Variants in SRRM4 observed in about 807,000 individuals in gnomAD.
SRRM4 encodes serine/arginine repetitive matrix 4.
Under a neutral mutation model 68.9 loss-of-function variants are expected in SRRM4, and 33 were observed. The observed-to-expected ratio is 0.48, with a 90% CI of 0.36 to 0.64. The LOEUF is 0.64. Ranked by LOEUF, SRRM4 falls within the 30% of genes least tolerant of loss-of-function variation. The pLI is 0.00. For synonymous variants in SRRM4, 318 were observed against 318.8 expected (o/e 1.00, Z 0.03); for missense variants, 817 against 827.1 (o/e 0.99, Z 0.15).
chr12:119,103,011 G>A (rs1464904574), intron 2 of SRRM4, among the ~76,000 whole-genome samples: 2 of 152,056 alleles, frequency 1.3e-5, no homozygotes, highest in Non-Finnish European at 1.5e-5. Context: ...GCAGAGTGAA[G>A]TTTTGAACTC....
chr12:118,985,737 G>A (rs1016203), intron 1 of SRRM4, among the ~76,000 whole-genome samples: 62,360 of 152,104 alleles, frequency 0.41, 12,978 homozygotes, highest in Non-Finnish European at 0.44. Flanking sequence ...TTAGCCTAGA[G>A]AAGTTTGTAC....
intron 1 of SRRM4, among the ~76,000 whole-genome samples, chr12:119,068,415 AC>A (rs1207990095): frequency 6.6e-6 from 1 of 152,262 alleles, no homozygotes; most frequent in East Asian, 1.9e-4. Flanking sequence ...CTTCGTGCAG[AC>A]TGCTTCTGCC....
intron 1 of SRRM4, among the ~76,000 whole-genome samples, chr12:119,037,552 A>G (rs1335812226): frequency 6.6e-6 from 1 of 152,238 alleles, no homozygotes; most frequent in African/African-American, 2.4e-5. Context: ...TTCATTGCCA[A>G]GGGCCAGGTT....
chr12:119,022,761 A>G (rs1953524195), intron 1 of SRRM4, among the ~76,000 whole-genome samples: 1 of 152,212 alleles, frequency 6.6e-6, no homozygotes, highest in Non-Finnish European at 1.5e-5. Flanking sequence ...AAGTTTTTTC[A>G]GCTGCAGTTT....
At position 118,982,258 on chromosome 12, in the gene SRRM4, G is replaced by A. The variant is rs188926593; in HGVS notation, c.131+245G>A. ...GACCCCCGTAGCTCCTATTCAAGAG[G>A]TTTTGCTACCTGAGGGTGGGCGGTG... is the stretch of plus-strand genomic sequence containing the variant. On this transcript the variant is annotated intron_variant, in intron 1 of 12. Coordinates refer to ENST00000267260, the MANE Select transcript of SRRM4 (RefSeq NM_194286.4). 2.0e-4 allele frequency among the ~76,000 whole-genome samples: 30 copies of A among 152,274 alleles called. No individual in the cohort carries two copies. The East Asian group carries it at 5.6e-3, about 28-fold the overall frequency.
intron 5 of SRRM4, among the ~76,000 whole-genome samples, chr12:119,120,934 A>C (rs1954215551): frequency 6.6e-6 from 1 of 152,212 alleles, no homozygotes. Context: ...CTTCTTAAAT[A>C]ACAATAACCA....
chr12:119,022,312 T>C (rs1953521248), intron 1 of SRRM4, among the ~76,000 whole-genome samples: 5 of 152,190 alleles, frequency 3.3e-5, no homozygotes, highest in Admixed American at 3.3e-4. Flanking sequence ...CAAAAACCTT[T>C]TGTCAAGACC....
At position 119,115,494 on chromosome 12, in the gene SRRM4, G is replaced by A. The variant is rs145068101; in HGVS notation, c.365+1130G>A. Among the ~76,000 whole-genome samples the A allele has an allele frequency of 2.2e-3, 330 of 152,276 alleles. 2 individuals carry two copies. The highest frequency in any genetic ancestry group is 7.7e-3 in the African/African-American group (319 of 41,554). ...TTATAGAAACCTGTAGGGGGCAGCA[G>A]AGAGCAGCATCTGATGACTTGGGCT... On this transcript the variant is annotated intron_variant, in intron 3 of 12. Transcript: ENST00000267260.
At chr12:119,039,352 G>A (rs1322809079) in intron 1 of SRRM4, among the ~76,000 whole-genome samples, 1 of 152,186 alleles carries the variant, frequency 6.6e-6, no homozygotes, top group Non-Finnish European at 1.5e-5. Flanking sequence ...CCTGGCTAGG[G>A]TGGTCCCTGA....
chr12:119,010,425 G>A (rs1017769986), intron 1 of SRRM4, among the ~76,000 whole-genome samples: 4 of 152,214 alleles, frequency 2.6e-5, no homozygotes, highest in African/African-American at 9.6e-5. Flanking sequence ...AAAAGTGTCA[G>A]CCCTTACATG....
intron 12 of SRRM4, among the ~76,000 whole-genome samples, chr12:119,155,411 C>T (rs1343512738): frequency 6.6e-6 from 1 of 152,222 alleles, no homozygotes; most frequent in Non-Finnish European, 1.5e-5. Flanking sequence ...TCCCAGATAG[C>T]AAGGCTGGGG....
chr12:119,138,175 A>G (rs1954342861), intron 8 of SRRM4, among the ~76,000 whole-genome samples: 2 of 152,130 alleles, frequency 1.3e-5, no homozygotes. Context: ...GTGTTGCCAG[A>G]TCTTATTTTT....
chr12:119,095,032 A>G (rs1954034818), intron 1 of SRRM4, among the ~76,000 whole-genome samples: 1 of 152,228 alleles, frequency 6.6e-6, no homozygotes, highest in African/African-American at 2.4e-5. Context: ...AGTGCTGTGC[A>G]ATCCCCAGTT....
chr12:119,013,340 A>G (rs908913741), intron 1 of SRRM4, among the ~76,000 whole-genome samples: 1 of 152,230 alleles, frequency 6.6e-6, no homozygotes, highest in Non-Finnish European at 1.5e-5. Flanking sequence ...AACCAGGGTT[A>G]AGATTCAAAT....
intron 1 of SRRM4, among the ~76,000 whole-genome samples, chr12:119,076,216 G>A (rs540840926): frequency 2.8e-4 from 43 of 152,242 alleles, no homozygotes; most frequent in African/African-American, 9.4e-4. Context: ...GCCATTTATT[G>A]AGGGTTTACT....
intron 1 of SRRM4, among the ~76,000 whole-genome samples, chr12:118,983,812 G>A (rs1953264988): frequency 6.6e-6 from 1 of 152,132 alleles, no homozygotes; most frequent in Admixed American, 6.5e-5. Context: ...GCAATCACAT[G>A]AATGGCCCAC....
chr12:118,996,337 A>T (rs909491618), intron 1 of SRRM4, among the ~76,000 whole-genome samples: 1 of 152,216 alleles, frequency 6.6e-6, no homozygotes, highest in African/African-American at 2.4e-5. Context: ...ATTCATTTAT[A>T]TCAGAAACAA....
chr12:118,992,058 T>G (rs2135989664), intron 1 of SRRM4: 1 of 152,172 alleles, frequency 6.6e-6, no homozygotes, highest in East Asian at 1.9e-4. Context: ...TATATTGGGG[T>G]TTTGTTCTCA....
At chr12:119,100,389 T>C (rs1193589145) in intron 1 of SRRM4, among the ~76,000 whole-genome samples, 1 of 146,994 alleles carries the variant, frequency 6.8e-6, no homozygotes, top group Admixed American at 6.8e-5. Context: ...ACTTGGGAGG[T>C]TGAGGTCAGA....
Sources: gnomAD v4.1 joint callset for allele counts (sites outside exome capture counted in the v4.1 genomes callset) on GRCh38, gnomAD v4.1.1 for gene constraint, MANE v1.5 for transcripts, NCBI Gene and HGNC (gene_info 2026-07-23, HGNC 2026-07-21) for gene names.